Variants in INTS12 observed in about 807,000 individuals in gnomAD.
INTS12 encodes the protein integrator complex subunit 12.
INTS12 carries 13 observed loss-of-function variants against 41.6 expected under a neutral mutation model. That is an observed-to-expected ratio of 0.31 (90% CI 0.20 to 0.50). The LOEUF (loss-of-function observed/expected upper bound fraction) is 0.50, where lower values mean the gene tolerates loss of function less well. Among genes scored for constraint, INTS12 ranks in the 20% least tolerant of loss-of-function variants. The pLI, the probability that INTS12 is intolerant of heterozygous loss-of-function variation, is 0.98. For synonymous variants in INTS12, 199 were observed against 191.4 expected (o/e 1.04, Z -0.33); for missense variants, 432 against 541.6 (o/e 0.80, Z 2.01).
chr4:105,708,335 G>A lies in INTS12; in HGVS notation c.-172+303C>T. The A allele has an allele frequency of 4.1e-6, 4 of 985,584 alleles. No individual in the cohort carries two copies. The South Asian group carries it at 1.9e-4, about 46-fold the overall frequency. The allele number at this position is 985,584 out of a possible 1,614,324, so 61.1% of individuals were successfully genotyped here. On this transcript the variant is annotated intron_variant, in intron 1 of 7. Transcript: ENST00000340139. Reference sequence around the variant, plus strand: ...CCAAAAGATGAGAGACAATGAGGGAGCTACGTAGAGAAGTCACTAAAACCC... The same window carrying A: ...CCAAAAGATGAGAGACAATGAGGGAACTACGTAGAGAAGTCACTAAAACCC...
intron 1 of INTS12, among the ~76,000 whole-genome samples, chr4:105,704,043 C>T (rs145418027): frequency 6.6e-5 from 10 of 151,570 alleles, no homozygotes; most frequent in African/African-American, 2.4e-4. Context: ...TTTCTACTGG[C>T]ATCTTTTCAT....
At chr4:105,684,594 T>C (rs1246909933) in intron 7 of INTS12, among the ~76,000 whole-genome samples, 4 of 152,110 alleles carry the variant, frequency 2.6e-5, no homozygotes, top group African/African-American at 4.8e-5. Flanking sequence ...ATCCAGATAT[T>C]TGTCCACATA....
In INTS12 at chr4:105,695,618, T is replaced by G; in HGVS notation, c.207A>C (p.Gln69His). The G allele has an allele frequency of 6.2e-7, 1 of 1,613,410 alleles. No homozygotes were observed. Among genetic ancestry groups the G allele is most frequent in the Non-Finnish European group, 8.5e-7 (1 of 1,179,778 alleles). ...ISSTKNISIKQEPKISSSLPS... is the reference protein window; with the variant it reads ...ISSTKNISIKHEPKISSSLPS... The stretch of plus-strand genomic sequence containing the variant: ...GAAGACTGGATGATATTTTGGGCTC[T>G]TGCTTAATGGAAATGTTTTTTGTGC... Residue 69 changes from glutamine to histidine, a missense_variant, in exon 4 of 8, where the codon CAA (glutamine) becomes CAC (histidine). Gln to His is a conservative substitution (Grantham distance 24). Around this residue, in one of 3 missense-constraint regions of INTS12, gnomAD observed 168 missense variants for 198.9 expected, o/e 0.84. Transcript: ENST00000340139.
chr4:105,686,679 G>C lies in INTS12; in HGVS notation c.804+13C>G, dbSNP rs781029500. On this transcript the variant is annotated intron_variant, in intron 7 of 7. Transcript: ENST00000340139. ...TAAGATATAATCTTAGATAAAAATA[G>C]AATCTACTATACCTTGACTTCTGTT... 3 of 1,565,810 alleles carry C rather than the reference G, an allele frequency of 1.9e-6. No homozygotes were observed. Among genetic ancestry groups the C allele is most frequent in the Non-Finnish European group, 2.6e-6 (3 of 1,157,310 alleles).
intron 5 of INTS12, 92 bp from the exon 6 acceptor site, chr4:105,692,227 T>C: frequency 8.0e-7 from 1 of 1,248,614 alleles, no homozygotes; most frequent in Non-Finnish European, 1.1e-6. Flanking sequence ...CTCATGCCTG[T>C]AATCCCAGCA....
chr4:105,707,617 G>A (rs997702176), intron 1 of INTS12, among the ~76,000 whole-genome samples: 1 of 152,002 alleles, frequency 6.6e-6, no homozygotes, highest in African/African-American at 2.4e-5. Context: ...CCTCTTTCAC[G>A]ACTGGGGACT....
chr4:105,689,774 C>T (rs112172458), intron 6 of INTS12, among the ~76,000 whole-genome samples: 6,793 of 152,164 alleles, frequency 0.045, 208 homozygotes, highest in Middle Eastern at 0.13. Flanking sequence ...GGCCTGGTGG[C>T]ACATGCCTGT....
At chr4:105,689,282 T>C (rs1468025977) in intron 6 of INTS12, among the ~76,000 whole-genome samples, 2 of 152,230 alleles carry the variant, frequency 1.3e-5, no homozygotes, top group Admixed American at 1.3e-4. Flanking sequence ...TTGAGGAATC[T>C]GTTTGAGGAG....
At chr4:105,696,011 C>T (rs1731851317) in intron 3 of INTS12, among the ~76,000 whole-genome samples, 1 of 152,008 alleles carries the variant, frequency 6.6e-6, no homozygotes, top group African/African-American at 2.4e-5. Flanking sequence ...ACCACCACAC[C>T]CGGCTGATTT....
chr4:105,698,191 T>C (rs771049735), intron 3 of INTS12, among the ~76,000 whole-genome samples: 29 of 152,364 alleles, frequency 1.9e-4, no homozygotes, highest in Non-Finnish European at 4.3e-4. Flanking sequence ...TTTAACTCCA[T>C]TATTTCACAT....
At chr4:105,701,630 T>C (rs1732076698) in intron 2 of INTS12, among the ~76,000 whole-genome samples, 1 of 152,168 alleles carries the variant, frequency 6.6e-6, no homozygotes, top group African/African-American at 2.4e-5. Context: ...GGTAACAGCC[T>C]AATCTCTTTT....
intron 6 of INTS12, among the ~76,000 whole-genome samples, chr4:105,687,307 G>A (rs1282336988): frequency 6.6e-6 from 1 of 151,982 alleles, no homozygotes; most frequent in Non-Finnish European, 1.5e-5. Flanking sequence ...ATATAGAACA[G>A]GGAGAAAAAA....
At chr4:105,707,576 A>G (rs1241572813) in intron 1 of INTS12, among the ~76,000 whole-genome samples, 3 of 152,172 alleles carry the variant, frequency 2.0e-5, no homozygotes, top group African/African-American at 7.2e-5. Context: ...AAAAAACTCC[A>G]AACATCAAAA....
At chr4:105,693,874 T>C (rs528152654) in intron 4 of INTS12, among the ~76,000 whole-genome samples, 1 of 152,288 alleles carries the variant, frequency 6.6e-6, no homozygotes, top group East Asian at 1.9e-4. Flanking sequence ...ATTATCAATA[T>C]ACCCATTAGA....
At chr4:105,686,472 A>T (rs1286892193) in intron 7 of INTS12, among the ~76,000 whole-genome samples, 3 of 152,218 alleles carry the variant, frequency 2.0e-5, no homozygotes, top group Non-Finnish European at 4.4e-5. Context: ...ATGATCATAG[A>T]CTGTTCGTAT....
intron 3 of INTS12, among the ~76,000 whole-genome samples, chr4:105,697,038 A>G (rs1731891099): frequency 6.6e-6 from 1 of 152,242 alleles, no homozygotes; most frequent in African/African-American, 2.4e-5. Flanking sequence ...ATTTAAAAGA[A>G]ATGAATCTGT....
rs550688015 is a variant in INTS12 at position 105,693,846 on chromosome 4, CTTCT to C, written c.310-364_310-361del. On this transcript the variant is annotated intron_variant, in intron 4 of 7. Coordinates refer to ENST00000340139, the MANE Select transcript of INTS12 (RefSeq NM_020395.4). ...TTGCTTCAAAGCAAATTCGGATTCC[CTTCT>C]TTAAGATATAAATATTATCAATATA... Among the ~76,000 whole-genome samples, 396 of 152,144 alleles carry C rather than the reference CTTCT, an allele frequency of 2.6e-3. 2 individuals carry two copies. The highest frequency in any genetic ancestry group is 0.024 in the Admixed American group (365 of 15,262).
At chr4:105,703,884 C>T (rs1195957870) in intron 1 of INTS12, 75 bp from the exon 2 acceptor site, 3 of 152,202 alleles carry the variant, frequency 2.0e-5, no homozygotes, top group Admixed American at 1.3e-4. Flanking sequence ...CTTACCTGCA[C>T]TCATCCTTTC....
At chr4:105,708,487 C>T in intron 1 of INTS12, 151 bp downstream of exon 1, 1 of 985,366 alleles carries the variant, frequency 1.0e-6, no homozygotes, top group Non-Finnish European at 1.2e-6. Flanking sequence ...GGAGAGCAGT[C>T]AGTCTAGGGC....
Sources: gnomAD v4.1 joint callset for allele counts (sites outside exome capture counted in the v4.1 genomes callset) on GRCh38, gnomAD v4.1.1 for gene constraint, gnomAD v4.1.1 regional missense constraint, MANE v1.5 for transcripts, NCBI Gene and HGNC (gene_info 2026-07-23, HGNC 2026-07-21) for gene names.